Variants in PCDH11X observed in about 807,000 individuals in gnomAD.
PCDH11X encodes the protein protocadherin 11 X-linked.
In PCDH11X, 18 loss-of-function variants were observed where a neutral mutation model predicts 53.3. That is an observed-to-expected ratio of 0.34 (90% CI 0.23 to 0.50). The LOEUF (loss-of-function observed/expected upper bound fraction) is 0.50. Among genes scored for constraint, PCDH11X ranks in the 20% least tolerant of loss-of-function variants. PCDH11X has a pLI of 0.98. For synonymous variants in PCDH11X, 279 were observed against 393.3 expected, an observed-to-expected ratio of 0.71 and a Z score of 3.44; for missense variants, 570 against 1,032.4, an observed-to-expected ratio of 0.55 and a Z score of 6.14.
chrX:92,542,159 A>C (rs1254118333), intron 10 of PCDH11X, among the ~76,000 whole-genome samples: 1 of 111,906 alleles, frequency 8.9e-6, no homozygotes, highest in Non-Finnish European at 1.9e-5. Flanking sequence ...ATTTCGCTTA[A>C]AAATTCTTGA....
chrX:92,416,749 A>G (rs2071822148), intron 9 of PCDH11X, among the ~76,000 whole-genome samples: 1 of 107,138 alleles, frequency 9.3e-6, no homozygotes, highest in Non-Finnish European at 1.9e-5. Flanking sequence ...ATATGCCCAT[A>G]AAAATAAAGA....
At chrX:92,064,487 A>AAAATAAAT (rs3084448) in intron 6 of PCDH11X, among the ~76,000 whole-genome samples, 1,794 of 89,857 alleles carry the variant, frequency 0.02, 23 homozygotes, top group South Asian at 0.035. Context: ...ACACAAATTA[A>AAAATAAAT]AAATAAATAA....
At chrX:91,821,906 G>A (rs2147585580) in intron 4 of PCDH11X, among the ~76,000 whole-genome samples, 1 of 98,078 alleles carries the variant, frequency 1.0e-5, no homozygotes, top group East Asian at 3.0e-4. Context: ...TTTGTCAAAG[G>A]CCTTTTCTGC....
At chrX:92,525,132 C>A (rs1429786388) in intron 10 of PCDH11X, among the ~76,000 whole-genome samples, 1 of 111,881 alleles carries the variant, frequency 8.9e-6, no homozygotes, top group Non-Finnish European at 1.9e-5. Flanking sequence ...TGTATCTATG[C>A]AGTATTACAA....
At chrX:92,494,638 A>T (rs2148688551) in intron 10 of PCDH11X, among the ~76,000 whole-genome samples, 1 of 111,658 alleles carries the variant, frequency 9.0e-6, no homozygotes. Context: ...TACTGAATTT[A>T]CATAAAACAT....
At chrX:92,379,110 C>T (rs1388308044) in intron 8 of PCDH11X, among the ~76,000 whole-genome samples, 4 of 112,589 alleles carry the variant, frequency 3.6e-5, no homozygotes, top group Admixed American at 9.3e-5. Flanking sequence ...GTGGGAGCCC[C>T]ACCTCCTTCT....
At chrX:92,347,575 ACT>A (rs2069932078) in intron 8 of PCDH11X, among the ~76,000 whole-genome samples, 1 of 111,586 alleles carries the variant, frequency 9.0e-6, no homozygotes, top group South Asian at 3.7e-4. Context: ...CTTCAGAGAC[ACT>A]CTAAACCATT....
At chrX:92,384,203 C>T (rs367656570) in intron 8 of PCDH11X, among the ~76,000 whole-genome samples, 3 of 110,528 alleles carry the variant, frequency 2.7e-5, no homozygotes, top group Non-Finnish European at 5.7e-5. Flanking sequence ...TGTTTAAGTT[C>T]TTTGTAGATT....
At chrX:92,186,864 G>T (rs951027495) in intron 6 of PCDH11X, among the ~76,000 whole-genome samples, 2 of 111,121 alleles carry the variant, frequency 1.8e-5, no homozygotes, top group African/African-American at 6.5e-5. Flanking sequence ...AATATTGAAG[G>T]TCATGAGTAT....
At chrX:92,572,560 G>C in intron 10 of PCDH11X, among the ~76,000 whole-genome samples, 1 of 106,247 alleles carries the variant, frequency 9.4e-6, no homozygotes. Flanking sequence ...AAAAGTGAAA[G>C]GCAATTTTTA....
At chrX:92,139,308 T>C (rs1326644472) in intron 6 of PCDH11X, among the ~76,000 whole-genome samples, 4 of 96,556 alleles carry the variant, frequency 4.1e-5, no homozygotes, top group Non-Finnish European at 4.1e-5. Context: ...GGAGTCTTGC[T>C]CTTGTCGCCC....
At chrX:92,240,676 C>T (rs1298780703) in intron 7 of PCDH11X, among the ~76,000 whole-genome samples, 4 of 111,543 alleles carry the variant, frequency 3.6e-5, no homozygotes, top group Non-Finnish European at 5.6e-5. Context: ...TTATCTATTA[C>T]ATTTTAAATG....
intron 6 of PCDH11X, among the ~76,000 whole-genome samples, chrX:92,007,915 G>T (rs1445221617): frequency 9.0e-6 from 1 of 110,712 alleles, no homozygotes. Context: ...TTCCCTTCTG[G>T]CCCAGGGTGT....
intron 10 of PCDH11X, among the ~76,000 whole-genome samples, chrX:92,507,320 C>A (rs2074081208): frequency 9.1e-6 from 1 of 110,274 alleles, no homozygotes. Flanking sequence ...TATTATGTTG[C>A]TAATTTGAGC....
At chrX:92,346,513 A>C (rs953346791) in intron 8 of PCDH11X, among the ~76,000 whole-genome samples, 1 of 111,549 alleles carries the variant, frequency 9.0e-6, no homozygotes, top group African/African-American at 3.2e-5. Context: ...AAAACCTTGA[A>C]CTTTATCTTA....
At chrX:92,323,931 A>G (rs1002381497) in intron 8 of PCDH11X, among the ~76,000 whole-genome samples, 12 of 109,129 alleles carry the variant, frequency 1.1e-4, no homozygotes, top group Non-Finnish European at 2.3e-4. Context: ...CAGGAAAATT[A>G]ATTCTGTTAA....
intron 8 of PCDH11X, chrX:92,288,058 G>C: frequency 2.0e-6 from 1 of 508,072 alleles, no homozygotes; most frequent in Non-Finnish European, 3.5e-6. Flanking sequence ...GCAAAACTGT[G>C]AGCTGAATAA....
intron 10 of PCDH11X, among the ~76,000 whole-genome samples, chrX:92,600,081 G>A (rs1926065375): frequency 9.3e-6 from 1 of 106,958 alleles, no homozygotes; most frequent in African/African-American, 3.5e-5. Context: ...ACAAAGAAAT[G>A]GTTTGAAGTT....
intron 9 of PCDH11X, among the ~76,000 whole-genome samples, chrX:92,434,020 A>G (rs1250554821): frequency 1.8e-5 from 2 of 110,795 alleles, no homozygotes; most frequent in African/African-American, 6.6e-5. Context: ...GATTATTACA[A>G]TTCAAGGTGA....
Sources: gnomAD v4.1 joint callset for allele counts (sites outside exome capture counted in the v4.1 genomes callset) on GRCh38, gnomAD v4.1.1 for gene constraint, MANE v1.5 for transcripts, NCBI Gene and HGNC (gene_info 2026-07-23, HGNC 2026-07-21) for gene names.